The following ZIC4 variants were observed in gnomAD, a reference collection of about 807,000 sequenced individuals.
ZIC4 encodes the protein zinc finger protein ZIC 4.
A neutral mutation model predicts 28.8 loss-of-function variants in ZIC4; 15 were observed. The ratio of observed to expected loss-of-function variants is 0.52; its 90% CI spans 0.35 to 0.80. The LOEUF (loss-of-function observed/expected upper bound fraction) is 0.80. Among genes scored for constraint, ZIC4 ranks in the 30% least tolerant of loss-of-function variants. The pLI is 0.01. For synonymous variants in ZIC4, 220 were observed against 198.1 expected (o/e 1.11, Z -0.93); for missense variants, 512 against 467.1 (o/e 1.10, Z -0.89).
intron 2 of ZIC4, among the ~76,000 whole-genome samples, chr3:147,398,578 G>A (rs1381014388): frequency 6.6e-6 from 1 of 152,146 alleles, no homozygotes; most frequent in Middle Eastern, 3.2e-3. Context: ...GGTCAGCTGC[G>A]TCGTCCGGCG....
intron 2 of ZIC4, chr3:147,397,141 C>T (rs932710123): frequency 6.6e-6 from 1 of 152,098 alleles, no homozygotes; most frequent in Non-Finnish European, 1.5e-5. Context: ...CGCGCCCACC[C>T]CCTTGGCTAT....
intron 2 of ZIC4, among the ~76,000 whole-genome samples, chr3:147,398,560 C>CTT (rs905660237): frequency 6.6e-6 from 1 of 152,122 alleles, no homozygotes; most frequent in African/African-American, 2.4e-5. Context: ...TCTGAGCCGA[C>CTT]CGGCTAAGGT....
intron 2 of ZIC4, chr3:147,397,117 G>A (rs1256396778): frequency 6.6e-6 from 1 of 151,914 alleles, no homozygotes; most frequent in Non-Finnish European, 1.5e-5. Context: ...TTCTTCCCAA[G>A]GTTTGGATTT....
At chr3:147,397,664 C>T (rs2087078934) in intron 2 of ZIC4, among the ~76,000 whole-genome samples, 1 of 152,052 alleles carries the variant, frequency 6.6e-6, no homozygotes, top group Admixed American at 6.6e-5. Flanking sequence ...ATGGCGGTCT[C>T]GTTGGGCAGT....
At chr3:147,404,012 A>T (rs1220949491) in intron 1 of ZIC4, 2 of 1,537,176 alleles carry the variant, frequency 1.3e-6, no homozygotes, top group East Asian at 2.4e-5. Context: ...ACCAAAAGGC[A>T]TTCTTCCCCA....
intron 4 of ZIC4, among the ~76,000 whole-genome samples, chr3:147,389,806 T>C (rs1700949997): frequency 6.6e-6 from 1 of 152,156 alleles, no homozygotes; most frequent in South Asian, 2.1e-4. Flanking sequence ...AAGACGAACA[T>C]TGTGCAATTA....
Position 147,402,809 on chromosome 3 carries a change from G to C in ZIC4, c.-12C>G. 1 of 1,613,366 alleles carries C rather than the reference G, an allele frequency of 6.2e-7. No individual in the cohort carries two copies. The highest frequency in any genetic ancestry group is 1.1e-5 in the South Asian group (1 of 90,956). Reference sequence around the variant, plus strand: ...GTCTTGTATCTCATTTTCTGACTTTGAGCCTGTTTGGGAAGAAAAGAGTGA... The same window carrying C: ...GTCTTGTATCTCATTTTCTGACTTTCAGCCTGTTTGGGAAGAAAAGAGTGA... On this transcript the variant is annotated 5_prime_UTR_variant, in exon 2 of 5. The change creates a premature stop within an existing upstream ORF in the 5' untranslated region. Transcript: ENST00000383075.
intron 1 of ZIC4, chr3:147,404,245 C>T: frequency 2.1e-6 from 3 of 1,440,434 alleles, no homozygotes; most frequent in Non-Finnish European, 1.8e-6. Flanking sequence ...ACCCATAAGG[C>T]AGCCCCAACC....
intron 3 of ZIC4, among the ~76,000 whole-genome samples, 166 bp downstream of exon 3, chr3:147,395,686 T>C (rs2087023994): frequency 1.3e-5 from 2 of 152,180 alleles, no homozygotes; most frequent in African/African-American, 2.4e-5. Context: ...CGGAAACTTC[T>C]GTGATTCTAA....
chr3:147,396,178 C>A lies in ZIC4; in HGVS notation c.362G>T (p.Arg121Leu). 6.2e-7 allele frequency: 1 copy of A among 1,614,052 alleles called. No homozygotes were observed. Among genetic ancestry groups the A allele is most frequent in the Non-Finnish European group, 8.5e-7 (1 of 1,179,996 alleles). ...GATGAGCTCCTGTTTGATGGGCTGG[C>A]GCATGTAGCGGAAGAAAGCGCCAGG... ...HGPGAFFRYM[R>L]QPIKQELICK... Residue 121 changes from arginine to leucine, a missense_variant, in exon 3 of 5, where the codon CGC (arginine) becomes CTC (leucine). Transcript: ENST00000383075. The surrounding 1 kb of genome is among the most constrained non-coding windows in gnomAD (Gnocchi z 4.2).
chr3:147,390,976 G>T lies in ZIC4; in HGVS notation c.959C>A (p.Ala320Asp), dbSNP rs748611771. 5 of 1,612,558 alleles carry T rather than the reference G, an allele frequency of 3.1e-6. No individual in the cohort carries two copies. In the African/African-American group the frequency reaches 6.7e-5, roughly 22 times the overall value. ...SSDCGHKSQVASSAAVAARTA... is the reference protein window; with the variant it reads ...SSDCGHKSQVDSSAAVAARTA... ...ACGCGCCGCCACCGCCGCCGAGGAGGCCACCTGGGACTTGTGGCCGCAGTC... is the reference window on the plus strand; with the variant it reads ...ACGCGCCGCCACCGCCGCCGAGGAGTCCACCTGGGACTTGTGGCCGCAGTC... Residue 320 changes from alanine to aspartate, a missense_variant, in exon 4 of 5, where the codon GCC (alanine) becomes GAC (aspartate). Ala to Asp is a moderately radical substitution (Grantham distance 126, BLOSUM62 -2). Coordinates refer to ENST00000383075, the MANE Select transcript of ZIC4 (RefSeq NM_032153.6).
intron 1 of ZIC4, among the ~76,000 whole-genome samples, chr3:147,405,050 C>T (rs2087246502): frequency 6.6e-6 from 1 of 152,194 alleles, no homozygotes; most frequent in Admixed American, 6.5e-5. Context: ...TCATCTGCAC[C>T]CTGCACCTTT....
At chr3:147,399,475 T>A (rs2107979479) in intron 2 of ZIC4, among the ~76,000 whole-genome samples, 1 of 152,350 alleles carries the variant, frequency 6.6e-6, no homozygotes, top group East Asian at 1.9e-4. Context: ...TTGTTTTTAC[T>A]ATCCGCATCT....
intron 2 of ZIC4, among the ~76,000 whole-genome samples, chr3:147,398,086 C>G (rs2087087006): frequency 2.0e-5 from 3 of 152,140 alleles, no homozygotes; most frequent in African/African-American, 4.8e-5. Flanking sequence ...AGGACTCTCC[C>G]CGCCACAAGT....
chr3:147,390,786 G>C (rs1242577220), intron 4 of ZIC4, 145 bp downstream of exon 4: 1 of 1,112,630 alleles, frequency 9.0e-7, no homozygotes, highest in Non-Finnish European at 1.2e-6. Context: ...GGCCTACTCT[G>C]CATTCGGTGT....
chr3:147,404,408 A>G, intron 1 of ZIC4: 2 of 628,652 alleles, frequency 3.2e-6, no homozygotes, highest in Non-Finnish European at 4.2e-6. Context: ...TCCATCACAC[A>G]GCCTACACAG....
intron 3 of ZIC4, chr3:147,392,593 T>G (rs967896155): frequency 1.6e-5 from 4 of 245,318 alleles, no homozygotes; most frequent in African/African-American, 9.3e-5. Context: ...CTACCTAGCG[T>G]CTAGCTGAGG....
intron 3 of ZIC4, among the ~76,000 whole-genome samples, chr3:147,394,439 C>A (rs933390330): frequency 6.7e-6 from 1 of 148,338 alleles, no homozygotes; most frequent in Non-Finnish European, 1.5e-5. Flanking sequence ...AACAGTGGGC[C>A]GGCAAAGAGC....
At chr3:147,391,280 T>C in intron 3 of ZIC4, 34 bp from the exon 4 acceptor site, 1 of 1,543,104 alleles carries the variant, frequency 6.5e-7, no homozygotes, top group East Asian at 2.3e-5. Context: ...TTAGTGCTTG[T>C]GGGTCGTGTT....
Sources: allele counts gnomAD v4.1 joint callset (sites outside exome capture counted in the v4.1 genomes callset), GRCh38; gene constraint gnomAD v4.1.1; non-coding constraint Gnocchi (gnomAD v3.1); transcripts MANE v1.5; gene names NCBI Gene and HGNC (gene_info 2026-07-23, HGNC 2026-07-21).